The following GRHL1 variants were observed in gnomAD, a reference collection of about 807,000 sequenced individuals.
The protein encoded by GRHL1 is grainyhead-like protein 1 homolog.
A neutral mutation model predicts 75.7 loss-of-function variants in GRHL1; 38 were observed. The observed-to-expected ratio is 0.50, with a 90% CI of 0.39 to 0.66. GRHL1 has a LOEUF of 0.66. Ranked by LOEUF, GRHL1 falls within the 30% of genes least tolerant of loss-of-function variation. The pLI, the probability that GRHL1 is intolerant of heterozygous loss-of-function variation, is 0.00. For synonymous variants in GRHL1, 266 were observed against 279.4 expected (o/e 0.95, Z 0.48); for missense variants, 589 against 767.5 (o/e 0.77, Z 2.75).
At position 9,955,025 on chromosome 2, in the gene GRHL1, CG is replaced by C; in HGVS notation, c.132del (p.Thr45ProfsTer4). Reference protein sequence around the residue: ...KSFLENPLTAATKAMMSINGD... With the variant: ...KSFLENPLTAXTKAMMSINGD... The stretch of plus-strand genomic sequence containing the variant: ...TTCCTGGAAAACCCTCTCACTGCAG[CG>C]ACCAAAGCGATGATGAGCATCAATG... On this transcript the variant is annotated frameshift_variant, in exon 2 of 16. Coordinates refer to ENST00000324907, the MANE Select transcript of GRHL1 (RefSeq NM_198182.3). LOFTEE classifies it high-confidence loss of function. The C allele has an allele frequency of 6.2e-7, 1 of 1,613,250 alleles. No homozygotes were observed. The highest frequency in any genetic ancestry group is 1.1e-5 in the South Asian group (1 of 91,074).
chr2:9,988,463 C>G (rs1263326802), intron 9 of GRHL1, among the ~76,000 whole-genome samples: 1 of 152,138 alleles, frequency 6.6e-6, no homozygotes, highest in Non-Finnish European at 1.5e-5. Context: ...GATGTCAGTT[C>G]CCAACCCTGA....
rs201406266 is a variant in GRHL1, at chr2:10,001,656, ATGT to A, written c.*954_*956del. On this transcript the variant is annotated 3_prime_UTR_variant, in exon 16 of 16. Coordinates refer to ENST00000324907, the MANE Select transcript of GRHL1 (RefSeq NM_198182.3). ...ACAGAGATTCTGTTTGCTGTTGAGA[ATGT>A]TGTTATTTGGATTTCTGCACTGTTT... 826 of 152,370 alleles carry A rather than the reference ATGT, an allele frequency of 5.4e-3. 9 individuals are homozygous for A. The highest frequency in any genetic ancestry group is 0.019 in the African/African-American group (773 of 41,592). 9.4% of individuals were successfully genotyped at this position (152,370 alleles called of 1,614,324 possible). A position where few individuals can be genotyped will look rare whatever the true frequency, so the allele number is the denominator to read the frequency against.
At chr2:9,985,567 G>C (rs938166677) in intron 8 of GRHL1, among the ~76,000 whole-genome samples, 1 of 152,228 alleles carries the variant, frequency 6.6e-6, no homozygotes, top group African/African-American at 2.4e-5. Flanking sequence ...GAACAAACTG[G>C]AAAGAAATGA....
intron 14 of GRHL1, 74 bp downstream of exon 14, chr2:9,996,475 T>G (rs932437362): frequency 1.0e-6 from 1 of 1,001,302 alleles, no homozygotes. Context: ...TGAAACACTT[T>G]ATCAGATGAT....
intron 8 of GRHL1, among the ~76,000 whole-genome samples, chr2:9,984,321 C>T (rs764513854): frequency 2.0e-5 from 3 of 151,462 alleles, no homozygotes; most frequent in Non-Finnish European, 4.4e-5. Context: ...TGTCAGCTCA[C>T]GGGGTTGAAG....
chr2:9,990,187 C>T lies in GRHL1; in HGVS notation c.1270-509C>T, dbSNP rs552407838. Among the ~76,000 whole-genome samples, 1 of 151,668 alleles carries T rather than the reference C, an allele frequency of 6.6e-6. No individual in the cohort carries two copies. Among genetic ancestry groups the T allele is most frequent in the East Asian group, 1.9e-4 (1 of 5,148 alleles). On this transcript the variant is annotated intron_variant, in intron 9 of 15. Coordinates refer to ENST00000324907, the MANE Select transcript of GRHL1 (RefSeq NM_198182.3). The surrounding 1 kb of genome is among the most constrained non-coding windows in gnomAD (Gnocchi z 4.2). ...TTTTTGAGACAGAGTTTCGCTTTGT[C>T]ACCCAGGCTGGAGTGCAGTGGTGTG...
rs1169731959 is a variant in GRHL1, at chr2:10,001,144, A to C, written c.*437A>C. The stretch of plus-strand genomic sequence containing the variant: ...GGATTTCGTGCCCTTGCCTGAATTC[A>C]GTACAACTCCACTGCCTCACGTTAG... On this transcript the variant is annotated 3_prime_UTR_variant, in exon 16 of 16. Coordinates refer to ENST00000324907, the MANE Select transcript of GRHL1 (RefSeq NM_198182.3). The C allele has an allele frequency of 6.5e-6, 1 of 153,704 alleles. No individual in the cohort carries two copies. Among genetic ancestry groups the C allele is most frequent in the Non-Finnish European group, 1.5e-5 (1 of 68,814 alleles). The allele number at this position is 153,704 out of a possible 1,614,324, so 9.5% of individuals were successfully genotyped here. A position where few individuals can be genotyped will look rare whatever the true frequency, so the allele number is the denominator to read the frequency against.
chr2:9,982,605 G>C (rs1003021455), intron 8 of GRHL1, among the ~76,000 whole-genome samples: 1 of 152,152 alleles, frequency 6.6e-6, no homozygotes, highest in African/African-American at 2.4e-5. Flanking sequence ...TTAACCTCCC[G>C]CTTCACTCTC....
At chr2:9,953,374 C>T (rs540313172) in intron 1 of GRHL1, among the ~76,000 whole-genome samples, 59 of 152,252 alleles carry the variant, frequency 3.9e-4, no homozygotes, top group Non-Finnish European at 6.8e-4. Flanking sequence ...CGTTCAGTAG[C>T]TGTTGTACTC....
chr2:9,991,970 C>T, intron 10 of GRHL1, 37 bp from the exon 11 acceptor site: 1 of 1,520,652 alleles, frequency 6.6e-7, no homozygotes, highest in Non-Finnish European at 8.9e-7. Context: ...AATCCTTTGA[C>T]CTTGGCTTCC....
At chr2:9,954,382 T>C (rs1642886415) in intron 1 of GRHL1, among the ~76,000 whole-genome samples, 1 of 152,204 alleles carries the variant, frequency 6.6e-6, no homozygotes, top group Admixed American at 6.5e-5. Flanking sequence ...TCATATACCC[T>C]GGAGGATTGC....
chr2:9,993,932 A>G (rs1338049236), intron 12 of GRHL1, among the ~76,000 whole-genome samples: 1 of 152,138 alleles, frequency 6.6e-6, no homozygotes. Flanking sequence ...GTATGAACTC[A>G]TAGTTTCCTG....
chr2:9,964,290 A>T lies in GRHL1; in HGVS notation c.959A>T (p.His320Leu). Residue 320 changes from histidine to leucine, a missense_variant, in exon 7 of 16, where the codon CAT becomes CTT. His to Leu is a moderately conservative substitution (Grantham distance 99). Transcript: ENST00000324907. Reference sequence around the variant, plus strand: ...AAAAGCAGAGAAGATCAGTTAAGGCATTGGAAGTACTGGCACTCCCGGCAG... The same window carrying T: ...AAAAGCAGAGAAGATCAGTTAAGGCTTTGGAAGTACTGGCACTCCCGGCAG... ...EDKSREDQLR[H>L]WKYWHSRQHT... The T allele has an allele frequency of 6.2e-7, 1 of 1,613,324 alleles. No homozygotes were observed. The highest frequency in any genetic ancestry group is 8.5e-7 in the Non-Finnish European group (1 of 1,179,234).
chr2:9,990,900 C>A lies in GRHL1; in HGVS notation c.1321+153C>A. On this transcript the variant is annotated intron_variant, in intron 10 of 15. Coordinates refer to ENST00000324907, the MANE Select transcript of GRHL1 (RefSeq NM_198182.3). This position sits in a 1 kb window ranked among gnomAD's most constrained non-coding sequence, Gnocchi z 4.2. ...GTTCTGCAGTGTGGCACTGCCTCTT[C>A]CTCAGATCAGCAGCAGATGCCAGCT... 3.5e-6 allele frequency: 2 copies of A among 565,912 alleles called. No homozygotes were observed. The highest frequency in any genetic ancestry group is 3.2e-6 in the Non-Finnish European group (1 of 313,672). The allele number at this position is 565,912 out of a possible 1,614,324, so 35.1% of individuals were successfully genotyped here.
chr2:9,998,707 C>CGT lies in GRHL1; in HGVS notation c.1678-258_1678-257insGT, dbSNP rs1302122146. Among the ~76,000 whole-genome samples, 34 of 58,378 alleles carry CGT rather than the reference C, an allele frequency of 5.8e-4. 11 individuals carry two copies. Among genetic ancestry groups the CGT allele is most frequent in the South Asian group, 2.6e-3 (6 of 2,340 alleles). The allele number at this position is 58,378 out of a possible 152,430, so 38.3% of individuals were successfully genotyped here. On this transcript the variant is annotated intron_variant, in intron 14 of 15. Coordinates refer to ENST00000324907, the MANE Select transcript of GRHL1 (RefSeq NM_198182.3). ...ATATATATGTACACACATATATATA[C>CGT]ATATATATGTACACACATATATACG...
At chr2:9,975,723 A>G (rs75967565) in intron 8 of GRHL1, among the ~76,000 whole-genome samples, 1,101 of 93,106 alleles carry the variant, frequency 0.012, 7 homozygotes, top group African/African-American at 0.04. Flanking sequence ...AGTAAATACA[A>G]AAAAAAAAAA....
At chr2:9,959,703 A>G (rs886982439) in intron 3 of GRHL1, 53 of 152,242 alleles carry the variant, frequency 3.5e-4, no homozygotes, top group African/African-American at 1.3e-3. Context: ...AACAGTTATC[A>G]ACACAATTCC....
At position 9,998,671 on chromosome 2, in the gene GRHL1, CATATATAT is replaced by C. The variant is rs1307281741; in HGVS notation, c.1678-292_1678-285del. ...ATATACATATACATATATATGTACA[CATATATAT>C]ACATATATATGTACACACATATATA... On this transcript the variant is annotated intron_variant, in intron 14 of 15. Coordinates refer to ENST00000324907, the MANE Select transcript of GRHL1 (RefSeq NM_198182.3). Among the ~76,000 whole-genome samples the C allele has an allele frequency of 1.4e-4, 8 of 58,900 alleles. 1 individual carries two copies. Among genetic ancestry groups the C allele is most frequent in the South Asian group, 4.7e-4 (1 of 2,122 alleles). 38.6% of individuals were successfully genotyped at this position (58,900 alleles called of 152,430 possible).
intron 8 of GRHL1, among the ~76,000 whole-genome samples, chr2:9,972,425 A>G (rs1667765785): frequency 6.6e-6 from 1 of 152,138 alleles, no homozygotes; most frequent in African/African-American, 2.4e-5. Flanking sequence ...CATTATTAGT[A>G]GTAACTGAAC....
Sources: allele counts gnomAD v4.1 joint callset (sites outside exome capture counted in the v4.1 genomes callset), GRCh38; gene constraint gnomAD v4.1.1; non-coding constraint Gnocchi (gnomAD v3.1); transcripts MANE v1.5; gene names NCBI Gene and HGNC (gene_info 2026-07-23, HGNC 2026-07-21).